The following MCU variants were observed in gnomAD, a reference collection of about 807,000 sequenced individuals.
MCU encodes the protein mitochondrial calcium uniporter.
A neutral mutation model predicts 45.2 loss-of-function variants in MCU; 12 were observed. The ratio of observed to expected loss-of-function variants is 0.27; its 90% CI spans 0.17 to 0.43. MCU has a LOEUF of 0.43. Among genes scored for constraint, MCU ranks in the 20% least tolerant of loss-of-function variants. The pLI, the probability that MCU is intolerant of heterozygous loss-of-function variation, is 1.00. For synonymous variants in MCU, 160 were observed against 165.1 expected (o/e 0.97, Z 0.24); for missense variants, 324 against 436.7 (o/e 0.74, Z 2.30).
intron 2 of MCU, among the ~76,000 whole-genome samples, chr10:72,851,127 C>G (rs549417507): frequency 6.6e-6 from 1 of 152,196 alleles, no homozygotes; most frequent in African/African-American, 2.4e-5. Flanking sequence ...AAAGGCTTGT[C>G]AGCTCTGAAT....
At chr10:72,756,847 A>T (rs1843583743) in intron 1 of MCU, 1 of 151,480 alleles carries the variant, frequency 6.6e-6, no homozygotes, top group Non-Finnish European at 1.5e-5. Flanking sequence ...CTCAGAGTTC[A>T]TCAACTCAAG....
At chr10:72,737,182 A>G (rs1310871637) in intron 1 of MCU, among the ~76,000 whole-genome samples, 1 of 152,214 alleles carries the variant, frequency 6.6e-6, no homozygotes, top group Non-Finnish European at 1.5e-5. Context: ...TTCTCCAGTC[A>G]TGAGTTTTCA....
At chr10:72,815,166 T>G (rs1844606319) in intron 1 of MCU, among the ~76,000 whole-genome samples, 1 of 152,272 alleles carries the variant, frequency 6.6e-6, no homozygotes, top group Non-Finnish European at 1.5e-5. Flanking sequence ...CCATATAGTT[T>G]CTGTTACAGG....
chr10:72,825,948 T>C (rs1844792022), intron 1 of MCU, among the ~76,000 whole-genome samples: 1 of 152,148 alleles, frequency 6.6e-6, no homozygotes, highest in African/African-American at 2.4e-5. Context: ...AACGCATTGG[T>C]TTCTGCTATG....
chr10:72,802,094 A>G (rs1844352020), intron 1 of MCU, among the ~76,000 whole-genome samples: 1 of 152,160 alleles, frequency 6.6e-6, no homozygotes, highest in African/African-American at 2.4e-5. Context: ...TCCACTATTG[A>G]GAGGTTCATC....
At chr10:72,765,110 G>C (rs1001015681) in intron 1 of MCU, among the ~76,000 whole-genome samples, 3 of 150,098 alleles carry the variant, frequency 2.0e-5, no homozygotes, top group African/African-American at 7.4e-5. Flanking sequence ...AAAAAAGAGA[G>C]AGTTAGGGCA....
At position 72,860,535 on chromosome 10, in the gene MCU, A is replaced by G. The variant is rs931476498; in HGVS notation, c.496+8A>G. The G allele has an allele frequency of 7.5e-6, 12 of 1,605,004 alleles. No homozygotes were observed. The highest frequency in any genetic ancestry group is 1.0e-5 in the Non-Finnish European group (12 of 1,172,442). ...TACGACCACCAAAAAGAGGTAAAAT[A>G]GTAACCTTGGTAAGGTCACAGAAAT... is the stretch of plus-strand genomic sequence containing the variant. On this transcript the variant is annotated splice_region_variant and intron_variant, in intron 4 of 7. Coordinates refer to ENST00000373053, the MANE Select transcript of MCU (RefSeq NM_138357.3).
intron 1 of MCU, chr10:72,766,550 A>G (rs999373441): frequency 1.3e-5 from 2 of 152,140 alleles, no homozygotes; most frequent in South Asian, 2.1e-4. Context: ...ATATTTTTCA[A>G]TTTTACCTTT....
At chr10:72,741,098 C>CTTTTT (rs11310286) in intron 1 of MCU, among the ~76,000 whole-genome samples, 92 of 124,516 alleles carry the variant, frequency 7.4e-4, no homozygotes, top group Non-Finnish European at 9.2e-4. Flanking sequence ...TTTTCTTTTT[C>CTTTTT]TTTTTTTTTT....
At chr10:72,858,907 C>A (rs1199851645) in intron 2 of MCU, among the ~76,000 whole-genome samples, 1 of 152,154 alleles carries the variant, frequency 6.6e-6, no homozygotes, top group Non-Finnish European at 1.5e-5. Flanking sequence ...CACCTGATAT[C>A]CTTGGGAAAG....
intron 1 of MCU, among the ~76,000 whole-genome samples, chr10:72,784,810 G>A (rs1332980611): frequency 1.3e-5 from 2 of 152,166 alleles, no homozygotes; most frequent in Non-Finnish European, 2.9e-5. Context: ...GGGCTTGGGT[G>A]TGGGGAATCC....
At chr10:72,833,600 C>G (rs1844911499) in intron 1 of MCU, among the ~76,000 whole-genome samples, 1 of 152,166 alleles carries the variant, frequency 6.6e-6, no homozygotes, top group Admixed American at 6.5e-5. Context: ...TAATGCCTGC[C>G]CTTCCTCTTC....
chr10:72,796,672 C>T (rs1185088247), intron 1 of MCU, among the ~76,000 whole-genome samples: 2 of 150,576 alleles, frequency 1.3e-5, no homozygotes, highest in Non-Finnish European at 3.0e-5. Context: ...TACCACCACG[C>T]CTGGCTACTT....
At chr10:72,774,448 C>T (rs539545509) in intron 1 of MCU, among the ~76,000 whole-genome samples, 19 of 152,068 alleles carry the variant, frequency 1.2e-4, no homozygotes, top group Non-Finnish European at 1.9e-4. Flanking sequence ...AAACAGATTA[C>T]TAGGGAAAGT....
chr10:72,854,689 T>C (rs1845260481), intron 2 of MCU, among the ~76,000 whole-genome samples: 1 of 152,206 alleles, frequency 6.6e-6, no homozygotes, highest in African/African-American at 2.4e-5. Context: ...ACTTTTTCGA[T>C]GGTACCAGTC....
chr10:72,765,380 C>T (rs994493811), intron 1 of MCU, among the ~76,000 whole-genome samples: 3 of 152,032 alleles, frequency 2.0e-5, no homozygotes, highest in African/African-American at 7.2e-5. Context: ...CTTCTTTATG[C>T]TACCTCCTTC....
chr10:72,747,155 T>C (rs1439360465), intron 1 of MCU, among the ~76,000 whole-genome samples: 2 of 152,348 alleles, frequency 1.3e-5, no homozygotes, highest in African/African-American at 4.8e-5. Flanking sequence ...TCATTCCCCA[T>C]TGCACTCCTT....
Position 72,803,132 on chromosome 10 carries a change from C to T in MCU, c.151-31227C>T, listed in dbSNP as rs191652931. On this transcript the variant is annotated intron_variant, in intron 1 of 7. Coordinates refer to ENST00000373053, the MANE Select transcript of MCU (RefSeq NM_138357.3). ...AGCAAAATTACGTGGGTTTTTCCATCTGGGTAATCCATTTTGGCTTTTATT... is the reference window on the plus strand; with the variant it reads ...AGCAAAATTACGTGGGTTTTTCCATTTGGGTAATCCATTTTGGCTTTTATT... 2.0e-5 allele frequency among the ~76,000 whole-genome samples: 3 copies of T among 152,196 alleles called. No individual in the cohort carries two copies. The East Asian group carries it at 5.8e-4, about 29-fold the overall frequency.
At chr10:72,746,647 A>G (rs1175717587) in intron 1 of MCU, among the ~76,000 whole-genome samples, 1 of 152,182 alleles carries the variant, frequency 6.6e-6, no homozygotes. Context: ...ACTAGCCCTT[A>G]TGTGTTTGGG....
Sources: allele counts gnomAD v4.1 joint callset (sites outside exome capture counted in the v4.1 genomes callset), GRCh38; gene constraint gnomAD v4.1.1; transcripts MANE v1.5; gene names NCBI Gene and HGNC (gene_info 2026-07-23, HGNC 2026-07-21).